Variants in NHEJ1 observed in about 807,000 individuals in gnomAD.
NHEJ1 encodes the protein non-homologous end joining factor 1.
Under a neutral mutation model 39.4 loss-of-function variants are expected in NHEJ1, and 22 were observed. That is an observed-to-expected ratio of 0.56 (90% CI 0.40 to 0.80). The LOEUF (loss-of-function observed/expected upper bound fraction) is 0.80. Ranked by LOEUF, NHEJ1 falls within the 30% of genes least tolerant of loss-of-function variation. NHEJ1 has a pLI of 0.00. For missense variants in NHEJ1, 329 were observed against 357.1 expected (o/e 0.92, Z 0.63); for synonymous variants, 154 against 135.6 (o/e 1.14, Z -0.94).
chr2:219,146,843 G>T, intron 4 of NHEJ1, 105 bp from the exon 5 acceptor site: 2 of 892,896 alleles, frequency 2.2e-6, no homozygotes, highest in African/African-American at 1.6e-5. Context: ...GAGGAGGAAG[G>T]TGCATCATGC....
At chr2:219,145,188 C>A (rs541722525) in intron 5 of NHEJ1, among the ~76,000 whole-genome samples, 53 of 152,198 alleles carry the variant, frequency 3.5e-4, no homozygotes, top group African/African-American at 1.2e-3. Context: ...GCACTCCAGT[C>A]TGGGTGACAG....
chr2:219,105,538 T>C (rs1003903096), intron 5 of NHEJ1, among the ~76,000 whole-genome samples: 4 of 152,204 alleles, frequency 2.6e-5, no homozygotes, highest in Admixed American at 2.0e-4. Flanking sequence ...GACTGGCACA[T>C]AGGAGGTGTT....
In NHEJ1 at chr2:219,073,072, G is replaced by A. The variant is rs181352379; in HGVS notation, c.*3309C>T. ...TCCAAATGTACCGCTGGATAAAAAC[G>A]AGCAGCAGTAGGGCTGAGTATCAAG... is the stretch of plus-strand genomic sequence containing the variant. On this transcript the variant is annotated 3_prime_UTR_variant, in exon 8 of 8. Transcript: ENST00000356853. Among the ~76,000 whole-genome samples the A allele has an allele frequency of 2.6e-5, 4 of 152,266 alleles. No homozygotes were observed. In the East Asian group the frequency reaches 5.8e-4, roughly 22 times the overall value.
chr2:219,154,873 TATATA>T (rs1174978746), intron 3 of NHEJ1, among the ~76,000 whole-genome samples: 23 of 147,290 alleles, frequency 1.6e-4, no homozygotes, highest in Middle Eastern at 3.6e-3. Flanking sequence ...TTATATATAT[TATATA>T]ATATATAATA....
chr2:219,148,413 G>C (rs1949762969), intron 3 of NHEJ1, among the ~76,000 whole-genome samples: 1 of 152,056 alleles, frequency 6.6e-6, no homozygotes, highest in Non-Finnish European at 1.5e-5. Context: ...TTTAACATTA[G>C]CCAGGCACAG....
chr2:219,099,630 G>A (rs1949237992), intron 5 of NHEJ1, among the ~76,000 whole-genome samples: 1 of 152,148 alleles, frequency 6.6e-6, no homozygotes, highest in South Asian at 2.1e-4. Context: ...AAAGAAGAGG[G>A]AGGAGACATG....
At chr2:219,139,715 C>T (rs961142768) in intron 5 of NHEJ1, among the ~76,000 whole-genome samples, 10 of 152,072 alleles carry the variant, frequency 6.6e-5, no homozygotes, top group Admixed American at 1.3e-4. Flanking sequence ...CTCGCTCTTT[C>T]GCCCAGACTG....
rs537718720 is a variant in NHEJ1, at chr2:219,074,655, T to G, written c.*1726A>C. 3.7e-4 allele frequency among the ~76,000 whole-genome samples: 56 copies of G among 151,096 alleles called. No homozygotes were observed. Among genetic ancestry groups the G allele is most frequent in the African/African-American group, 1.3e-3 (54 of 41,054 alleles). On this transcript the variant is annotated 3_prime_UTR_variant, in exon 8 of 8. Transcript: ENST00000356853. ...TACTCGGGAGGCTGAGGCAGGAGAA[T>G]CACTTGAACACAGGAGGTGGAGTTT... is the stretch of plus-strand genomic sequence containing the variant.
At chr2:219,157,865 T>C (rs976561179) in intron 2 of NHEJ1, among the ~76,000 whole-genome samples, 181 bp from the exon 3 acceptor site, 3 of 152,100 alleles carry the variant, frequency 2.0e-5, no homozygotes, top group Admixed American at 6.5e-5. Context: ...CAAAGACCAA[T>C]TGGCCTACTT....
intron 5 of NHEJ1, among the ~76,000 whole-genome samples, chr2:219,118,123 G>T (rs1375874247): frequency 6.6e-6 from 1 of 152,112 alleles, no homozygotes; most frequent in Non-Finnish European, 1.5e-5. Flanking sequence ...TTGCCATGAG[G>T]ACCCCTGCCC....
chr2:219,103,419 G>A (rs945655221), intron 5 of NHEJ1, among the ~76,000 whole-genome samples: 2 of 152,026 alleles, frequency 1.3e-5, no homozygotes, highest in Non-Finnish European at 2.9e-5. Flanking sequence ...GGGACTACAG[G>A]CACACACCAG....
At chr2:219,115,601 T>TA (rs955485422) in intron 5 of NHEJ1, among the ~76,000 whole-genome samples, 1 of 152,170 alleles carries the variant, frequency 6.6e-6, no homozygotes, top group African/African-American at 2.4e-5. Flanking sequence ...AACTCTGACC[T>TA]AAAGAGGCTT....
chr2:219,148,424 T>A (rs1051608580), intron 3 of NHEJ1, among the ~76,000 whole-genome samples: 8 of 152,076 alleles, frequency 5.3e-5, no homozygotes, highest in Non-Finnish European at 1.2e-4. Context: ...CCAGGCACAG[T>A]AGCATGCATC....
chr2:219,159,194 T>C (rs1949886265), intron 1 of NHEJ1: 2 of 152,258 alleles, frequency 1.3e-5, no homozygotes, highest in Admixed American at 1.3e-4. Flanking sequence ...CCCACTCCAG[T>C]GCACTGCCAC....
intron 5 of NHEJ1, among the ~76,000 whole-genome samples, chr2:219,137,137 A>C (rs1364211059): frequency 1.3e-5 from 2 of 151,946 alleles, no homozygotes; most frequent in Non-Finnish European, 2.9e-5. Context: ...GAAAACCCCA[A>C]AGAGAAGGTG....
At chr2:219,154,313 T>G (rs143377031) in intron 3 of NHEJ1, among the ~76,000 whole-genome samples, 37 of 152,302 alleles carry the variant, frequency 2.4e-4, no homozygotes, top group Non-Finnish European at 4.1e-4. Flanking sequence ...AAGATATATA[T>G]ACAGTATATA....
chr2:219,150,484 G>T (rs1032428821), intron 3 of NHEJ1, among the ~76,000 whole-genome samples: 1 of 152,188 alleles, frequency 6.6e-6, no homozygotes, highest in East Asian at 1.9e-4. Flanking sequence ...AAATTTATCT[G>T]CTCTACACTC....
At chr2:219,099,542 C>T (rs188121350) in intron 5 of NHEJ1, among the ~76,000 whole-genome samples, 9 of 152,282 alleles carry the variant, frequency 5.9e-5, no homozygotes, top group African/African-American at 2.2e-4. Context: ...AGGAATTACT[C>T]AGAGTCAGTG....
chr2:219,145,622 T>C (rs2106360784), intron 5 of NHEJ1, among the ~76,000 whole-genome samples: 1 of 152,214 alleles, frequency 6.6e-6, no homozygotes, highest in East Asian at 1.9e-4. Context: ...CCAACTTGGG[T>C]AACATATATA....
Sources: allele counts gnomAD v4.1 joint callset (sites outside exome capture counted in the v4.1 genomes callset), GRCh38; gene constraint gnomAD v4.1.1; transcripts MANE v1.5; gene names NCBI Gene and HGNC (gene_info 2026-07-23, HGNC 2026-07-21).